Variants in NMU observed in about 807,000 individuals in gnomAD.
NMU encodes the protein neuromedin-U.
Under a neutral mutation model 35.4 loss-of-function variants are expected in NMU, and 29 were observed. The observed-to-expected ratio is 0.82, with a 90% confidence interval of 0.61 to 1.12. The LOEUF (loss-of-function observed/expected upper bound fraction) is 1.12. Among genes scored for constraint, NMU ranks in the 50% most tolerant of loss-of-function variants. NMU has a pLI of 0.00. For synonymous variants in NMU, 78 were observed against 81.3 expected (o/e 0.96, Z 0.22); for missense variants, 199 against 206.2 (o/e 0.97, Z 0.21).
chr4:55,629,994 C>T (rs2110212516), intron 2 of NMU, among the ~76,000 whole-genome samples: 1 of 151,812 alleles, frequency 6.6e-6, no homozygotes, highest in Admixed American at 6.6e-5. Context: ...GATATATTCC[C>T]TTTCAGTTTA....
chr4:55,606,067 G>C (rs1025019867), intron 6 of NMU, among the ~76,000 whole-genome samples: 3 of 152,168 alleles, frequency 2.0e-5, no homozygotes, highest in Non-Finnish European at 4.4e-5. Context: ...CTGTATAACA[G>C]TTATCTGTGA....
intron 8 of NMU, among the ~76,000 whole-genome samples, 185 bp from the exon 9 acceptor site, chr4:55,599,366 G>C (rs1243721783): frequency 6.6e-6 from 1 of 152,110 alleles, no homozygotes; most frequent in Non-Finnish European, 1.5e-5. Flanking sequence ...AGAATCCTGA[G>C]AAATTTGTAT....
chr4:55,595,611 ATG>A (rs72447170), intron 9 of NMU, among the ~76,000 whole-genome samples, 200 bp from the exon 10 acceptor site: 16,828 of 116,006 alleles, frequency 0.15, 1,167 homozygotes, highest in Non-Finnish European at 0.18. Context: ...AAATATATAT[ATG>A]TGTGTGTGTG....
chr4:55,631,315 T>C (rs1406595589), intron 1 of NMU, among the ~76,000 whole-genome samples: 1 of 151,936 alleles, frequency 6.6e-6, no homozygotes, highest in Non-Finnish European at 1.5e-5. Flanking sequence ...AAAACAAAAA[T>C]AAATAAATGG....
In NMU at chr4:55,616,336, A is replaced by T; in HGVS notation, c.219+2T>A. On this transcript the variant is annotated splice_donor_variant, in intron 3 of 9. Coordinates refer to ENST00000264218, the MANE Select transcript of NMU (RefSeq NM_006681.4). LOFTEE classifies it high-confidence loss of function. The stretch of plus-strand genomic sequence containing the variant: ...TTACAAAATATCTTCAATTGGAATT[A>T]CCTGAGGCTGAGAATCAATGGACAG... 1 of 1,609,070 alleles carries T rather than the reference A, an allele frequency of 6.2e-7. No individual in the cohort carries two copies. Among genetic ancestry groups the T allele is most frequent in the Non-Finnish European group, 8.5e-7 (1 of 1,175,444 alleles).
intron 1 of NMU, among the ~76,000 whole-genome samples, chr4:55,633,035 A>AATAGACTT (rs1715696567): frequency 2.0e-5 from 3 of 151,566 alleles, no homozygotes; most frequent in Non-Finnish European, 4.4e-5. Flanking sequence ...GAAAACGACT[A>AATAGACTT]ATATCCTGGC....
chr4:55,615,949 A>C (rs2110200025), intron 3 of NMU, among the ~76,000 whole-genome samples: 1 of 152,162 alleles, frequency 6.6e-6, no homozygotes, highest in Admixed American at 6.5e-5. Flanking sequence ...GGGTCTTGCT[A>C]TGTTGCCCAG....
At chr4:55,635,886 C>T (rs776509313) in intron 1 of NMU, among the ~76,000 whole-genome samples, 195 bp downstream of exon 1, 7 of 152,264 alleles carry the variant, frequency 4.6e-5, no homozygotes, top group Non-Finnish European at 8.8e-5. Flanking sequence ...GGCCGGGCCC[C>T]TTGCTCCTAC....
At chr4:55,626,477 G>GGC (rs1417921585) in intron 2 of NMU, among the ~76,000 whole-genome samples, 1 of 152,182 alleles carries the variant, frequency 6.6e-6, no homozygotes, top group Admixed American at 6.5e-5. Flanking sequence ...AGCCAAGGTG[G>GGC]GCGGATCACT....
intron 2 of NMU, among the ~76,000 whole-genome samples, chr4:55,624,189 G>A (rs920644174): frequency 1.2e-3 from 168 of 145,318 alleles, no homozygotes; most frequent in Admixed American, 1.8e-3. Context: ...AAACTAAAGA[G>A]CTTCTGCACA....
chr4:55,631,961 TACACC>T (rs1734771215), intron 1 of NMU, among the ~76,000 whole-genome samples: 1 of 152,254 alleles, frequency 6.6e-6, no homozygotes, highest in African/African-American at 2.4e-5. Flanking sequence ...GGTCAATATA[TACACC>T]ATGGACTATC....
At chr4:55,616,606 T>G (rs1258040322) in intron 2 of NMU, among the ~76,000 whole-genome samples, 1 of 152,164 alleles carries the variant, frequency 6.6e-6, no homozygotes, top group Non-Finnish European at 1.5e-5. Context: ...ACGTCTCTAG[T>G]GACTGCTGAC....
At chr4:55,604,222 C>A (rs866978953) in intron 7 of NMU, among the ~76,000 whole-genome samples, 8 of 150,108 alleles carry the variant, frequency 5.3e-5, no homozygotes, top group Admixed American at 2.0e-4. Context: ...CCCACCGCCA[C>A]GCCCAGCTAA....
chr4:55,603,895 G>C (rs2110185900), intron 7 of NMU, among the ~76,000 whole-genome samples: 1 of 110,408 alleles, frequency 9.1e-6, no homozygotes, highest in African/African-American at 3.6e-5. Context: ...CTGGGCGACA[G>C]AGCAAGAGTC....
intron 3 of NMU, among the ~76,000 whole-genome samples, chr4:55,615,537 G>A (rs900461881): frequency 6.6e-5 from 10 of 152,314 alleles, no homozygotes; most frequent in Non-Finnish European, 1.2e-4. Flanking sequence ...CCAAAAGTCT[G>A]ACTCATAAAT....
At chr4:55,597,341 T>G (rs1410105966) in intron 9 of NMU, among the ~76,000 whole-genome samples, 1 of 151,844 alleles carries the variant, frequency 6.6e-6, no homozygotes, top group Non-Finnish European at 1.5e-5. Flanking sequence ...TTTTTTCTTC[T>G]TCTTCTTCTT....
chr4:55,600,813 C>G (rs1208022408), intron 7 of NMU, among the ~76,000 whole-genome samples: 1 of 151,992 alleles, frequency 6.6e-6, no homozygotes, highest in East Asian at 1.9e-4. Context: ...ATTTGCCTTT[C>G]AGGAATTTTG....
At chr4:55,598,050 C>A (rs1052137693) in intron 9 of NMU, among the ~76,000 whole-genome samples, 4 of 144,506 alleles carry the variant, frequency 2.8e-5, no homozygotes, top group African/African-American at 1.0e-4. Flanking sequence ...TTCCTTCTGC[C>A]TTCTTGAAAT....
At chr4:55,615,722 A>G (rs1734087172) in intron 3 of NMU, among the ~76,000 whole-genome samples, 1 of 152,096 alleles carries the variant, frequency 6.6e-6, no homozygotes, top group African/African-American at 2.4e-5. Context: ...TGTTATACAG[A>G]TTATTTCATC....
Sources: allele counts gnomAD v4.1 joint callset (sites outside exome capture counted in the v4.1 genomes callset), GRCh38; gene constraint gnomAD v4.1.1; transcripts MANE v1.5; gene names NCBI Gene and HGNC (gene_info 2026-07-23, HGNC 2026-07-21).